ARNT2: variants seen among roughly 807,000 people sequenced by gnomAD.
ARNT2 encodes ARNT protein 2.
In ARNT2, 36 loss-of-function variants were observed where a neutral mutation model predicts 91.7. That is an observed-to-expected ratio of 0.39 (90% CI 0.30 to 0.52). The LOEUF (loss-of-function observed/expected upper bound fraction) is 0.52. Ranked by LOEUF, ARNT2 falls within the 20% of genes least tolerant of loss-of-function variation. The pLI, the probability that ARNT2 is intolerant of heterozygous loss-of-function variation, is 0.72. For synonymous variants in ARNT2, 365 were observed against 347.1 expected (o/e 1.05, Z -0.57); for missense variants, 775 against 939.3 (o/e 0.83, Z 2.29).
intron 8 of ARNT2, among the ~76,000 whole-genome samples, chr15:80,514,658 G>A (rs539455107): frequency 5.2e-4 from 79 of 152,272 alleles, no homozygotes; most frequent in African/African-American, 1.8e-3. Context: ...GGGCCAAGGC[G>A]GGTGGATCAC....
At chr15:80,545,926 T>A (rs1897982538) in intron 8 of ARNT2, among the ~76,000 whole-genome samples, 1 of 152,194 alleles carries the variant, frequency 6.6e-6, no homozygotes, top group South Asian at 2.1e-4. Context: ...CTAGCTTCTT[T>A]GACTTCCAGA....
intron 1 of ARNT2, among the ~76,000 whole-genome samples, chr15:80,407,842 T>C (rs1436624611): frequency 1.3e-5 from 2 of 152,216 alleles, no homozygotes; most frequent in African/African-American, 4.8e-5. Context: ...ATGGCACAAT[T>C]AAGAAGGAGA....
At chr15:80,439,735 C>T (rs1300755831) in intron 1 of ARNT2, among the ~76,000 whole-genome samples, 2 of 152,166 alleles carry the variant, frequency 1.3e-5, no homozygotes, top group Non-Finnish European at 2.9e-5. Flanking sequence ...TTCATATCCT[C>T]AGCCACTGTG....
intron 1 of ARNT2, among the ~76,000 whole-genome samples, chr15:80,431,276 G>T (rs989796132): frequency 6.6e-6 from 1 of 152,174 alleles, no homozygotes; most frequent in African/African-American, 2.4e-5. Flanking sequence ...CTTCTGTGCA[G>T]GGGTATCACT....
chr15:80,417,342 A>T (rs370101126), intron 1 of ARNT2, among the ~76,000 whole-genome samples: 4 of 151,686 alleles, frequency 2.6e-5, no homozygotes, highest in Non-Finnish European at 5.9e-5. Flanking sequence ...TTAATTTATG[A>T]TTTAAGTTTC....
intron 16 of ARNT2, 118 bp downstream of exon 16, chr15:80,580,667 C>A: frequency 7.4e-7 from 1 of 1,348,792 alleles, no homozygotes; most frequent in South Asian, 1.4e-5. Flanking sequence ...GAACCAACCA[C>A]CCTAACAGCA....
chr15:80,582,555 A>G (rs1263298150), intron 17 of ARNT2, among the ~76,000 whole-genome samples: 1 of 151,984 alleles, frequency 6.6e-6, no homozygotes, highest in Admixed American at 6.6e-5. Flanking sequence ...GGGAGTTGTC[A>G]TCTGCTGCCC....
At chr15:80,571,467 A>G (rs758296077) in intron 12 of ARNT2, among the ~76,000 whole-genome samples, 2 of 152,218 alleles carry the variant, frequency 1.3e-5, no homozygotes, top group Non-Finnish European at 2.9e-5. Flanking sequence ...TTTCTACCAC[A>G]CACAGTTGGT....
At chr15:80,474,272 G>T (rs1418085990) in intron 4 of ARNT2, among the ~76,000 whole-genome samples, 1 of 152,178 alleles carries the variant, frequency 6.6e-6, no homozygotes, top group Non-Finnish European at 1.5e-5. Flanking sequence ...TTCAATGACA[G>T]TCATGACCCC....
At chr15:80,517,820 G>GT in intron 8 of ARNT2, among the ~76,000 whole-genome samples, 1 of 151,812 alleles carries the variant, frequency 6.6e-6, no homozygotes, top group East Asian at 1.9e-4. Flanking sequence ...CCATCACAGT[G>GT]TTTTTTAATT....
At chr15:80,505,667 G>T (rs908645633) in intron 5 of ARNT2, among the ~76,000 whole-genome samples, 37 of 152,178 alleles carry the variant, frequency 2.4e-4, no homozygotes, top group African/African-American at 8.4e-4. Flanking sequence ...AAGGAGGCAG[G>T]ACTTAAAGCT....
At chr15:80,575,198 G>A in intron 14 of ARNT2, 88 bp downstream of exon 14, 1 of 1,536,876 alleles carries the variant, frequency 6.5e-7, no homozygotes, top group Non-Finnish European at 8.9e-7. Flanking sequence ...TTAGTAAGAG[G>A]GGGCCACGGA....
intron 1 of ARNT2, among the ~76,000 whole-genome samples, chr15:80,418,242 T>C (rs964474572): frequency 1.3e-5 from 2 of 152,166 alleles, no homozygotes; most frequent in African/African-American, 4.8e-5. Flanking sequence ...CTGCTGGGTG[T>C]GTGCAGGATC....
chr15:80,474,519 T>G lies in ARNT2; in HGVS notation c.409-491T>G, dbSNP rs141000166. ...AAAGAGAAAAGGAACAAGAGGGTAC[T>G]TTCAGTACGGCAAGCTGTGGGTGGG... On this transcript the variant is annotated intron_variant, in intron 4 of 18. Coordinates refer to ENST00000303329, the MANE Select transcript of ARNT2 (RefSeq NM_014862.4). 7.0e-3 allele frequency among the ~76,000 whole-genome samples: 1,067 copies of G among 152,362 alleles called. 6 individuals carry two copies. Among genetic ancestry groups the G allele is most frequent in the South Asian group, 0.027 (129 of 4,832 alleles).
chr15:80,583,117 T>A (rs1898829611), intron 17 of ARNT2, among the ~76,000 whole-genome samples: 1 of 151,958 alleles, frequency 6.6e-6, no homozygotes, highest in Admixed American at 6.5e-5. Flanking sequence ...AGAGACTGGG[T>A]CAGGGGAGAC....
chr15:80,581,361 T>G lies in ARNT2; in HGVS notation c.1875T>G (p.Ser625Arg), dbSNP rs761982245. The G allele has an allele frequency of 2.0e-5, 32 of 1,614,096 alleles. No individual in the cohort carries two copies. Among genetic ancestry groups the G allele is most frequent in the Non-Finnish European group, 2.6e-5 (31 of 1,180,008 alleles). ...PLSSPATSSP[S>R]GNAYSSLANR... ...CCAGCCCAGCTACCTCCTCGCCAAG[T>G]GGGAATGCCTACTCCAGTCTTGCCA... Residue 625 changes from serine to arginine, a missense_variant, in exon 17 of 19, where the codon AGT becomes AGG. By Grantham distance (110) the Ser-to-Arg change is moderately radical. Coordinates refer to ENST00000303329, the MANE Select transcript of ARNT2 (RefSeq NM_014862.4).
intron 12 of ARNT2, among the ~76,000 whole-genome samples, chr15:80,573,197 A>G (rs1898614218): frequency 6.6e-6 from 1 of 152,256 alleles, no homozygotes; most frequent in African/African-American, 2.4e-5. Flanking sequence ...GCAGTTGAAA[A>G]ATTATACTTC....
intron 6 of ARNT2, among the ~76,000 whole-genome samples, chr15:80,512,557 A>G (rs1172980227): frequency 6.6e-6 from 1 of 152,226 alleles, no homozygotes; most frequent in African/African-American, 2.4e-5. Flanking sequence ...GCATCCAGAG[A>G]TGAAATGCCA....
chr15:80,519,657 A>G (rs1246392710), intron 8 of ARNT2, among the ~76,000 whole-genome samples: 1 of 149,650 alleles, frequency 6.7e-6, no homozygotes, highest in East Asian at 2.0e-4. Context: ...GAATTTCCTT[A>G]TGAACAAATT....
Sources: gnomAD v4.1 joint callset for allele counts (sites outside exome capture counted in the v4.1 genomes callset) on GRCh38, gnomAD v4.1.1 for gene constraint, MANE v1.5 for transcripts, NCBI Gene and HGNC (gene_info 2026-07-23, HGNC 2026-07-21) for gene names.